EVC2: variants seen among roughly 807,000 people sequenced by gnomAD.
EVC2 encodes the protein limbin.
EVC2 carries 148 observed loss-of-function variants against 149.3 expected under a neutral mutation model. The ratio of observed to expected loss-of-function variants is 0.99; its 90% CI spans 0.87 to 1.14. The LOEUF is 1.14. EVC2 is among the 50% of genes most tolerant of loss of function. EVC2 has a pLI of 0.00. For synonymous variants in EVC2, 776 were observed against 649.9 expected (o/e 1.19, Z -2.95); for missense variants, 1,854 against 1,627.3 (o/e 1.14, Z -2.40).
chr4:5,606,506 T>A (rs1365722214), intron 16 of EVC2, among the ~76,000 whole-genome samples: 1 of 152,118 alleles, frequency 6.6e-6, no homozygotes, highest in Non-Finnish European at 1.5e-5. Context: ...CTTCAAAGGA[T>A]AAAACTGATT....
At chr4:5,543,852 C>T (rs1721563368) in intron 21 of EVC2, among the ~76,000 whole-genome samples, 1 of 152,190 alleles carries the variant, frequency 6.6e-6, no homozygotes, top group South Asian at 2.1e-4. Context: ...ATCCACCACC[C>T]CTGCATAGCA....
At chr4:5,624,626 T>C (rs1241404610) in intron 13 of EVC2, among the ~76,000 whole-genome samples, 1 of 152,194 alleles carries the variant, frequency 6.6e-6, no homozygotes, top group African/African-American at 2.4e-5. Flanking sequence ...ATGTGGAGTC[T>C]ATCCTTCTTT....
chr4:5,665,707 C>G (rs1209603805), intron 7 of EVC2, 58 bp from the exon 8 acceptor site: 1 of 1,598,666 alleles, frequency 6.3e-7, no homozygotes, highest in Non-Finnish European at 8.5e-7. Flanking sequence ...GTCTCCCAGG[C>G]CTCACAGATG....
At chr4:5,598,541 T>G (rs1471186791) in intron 16 of EVC2, among the ~76,000 whole-genome samples, 3 of 152,236 alleles carry the variant, frequency 2.0e-5, no homozygotes, top group Non-Finnish European at 4.4e-5. Context: ...ACTGGATCCC[T>G]TTCTTACACC....
At chr4:5,700,134 C>T (rs762014853) in intron 1 of EVC2, among the ~76,000 whole-genome samples, 5 of 151,588 alleles carry the variant, frequency 3.3e-5, no homozygotes, top group African/African-American at 7.3e-5. Context: ...AGCGAGACTC[C>T]GTCTCAAAAA....
intron 7 of EVC2, among the ~76,000 whole-genome samples, chr4:5,666,178 G>A (rs1374528069): frequency 2.7e-5 from 4 of 150,814 alleles, no homozygotes; most frequent in Non-Finnish European, 5.9e-5. Flanking sequence ...ATTTACCCCC[G>A]CCCCTCCTTC....
chr4:5,651,983 C>A (rs1718176043), intron 9 of EVC2, among the ~76,000 whole-genome samples: 1 of 152,198 alleles, frequency 6.6e-6, no homozygotes, highest in South Asian at 2.1e-4. Flanking sequence ...GCTAAACAGC[C>A]TTAGGCATCT....
At chr4:5,601,205 A>G (rs74543209) in intron 16 of EVC2, among the ~76,000 whole-genome samples, 292 of 152,276 alleles carry the variant, frequency 1.9e-3, no homozygotes, top group African/African-American at 6.9e-3. Flanking sequence ...CCACTCTTAA[A>G]TATCATCAGA....
At chr4:5,536,987 A>T in the EVC2 span, among the ~76,000 whole-genome samples, 1 of 152,254 alleles carries the variant, frequency 6.6e-6, no homozygotes, top group South Asian at 2.1e-4. Flanking sequence ...TAAGACTGTC[A>T]ACAAACACAT....
rs771884323 is a variant in EVC2, at chr4:5,622,617, C to A, written c.2421G>T (p.Arg807Ser). 66 of 1,613,932 alleles carry A rather than the reference C, an allele frequency of 4.1e-5. No homozygotes were observed. Among genetic ancestry groups the A allele is most frequent in the South Asian group, 1.5e-4 (14 of 91,060 alleles). The stretch of plus-strand genomic sequence containing the variant: ...CAGGAGCGTCATCCTTCAGTCTCTG[C>A]CTCACGCTCTGGACACCCTCCTGGT... ...DRDQEGVQSV[R>S]QRLKDDAPEA... Residue 807 changes from arginine (R) to serine (S), a missense_variant, in exon 14 of 22, where the codon AGG becomes AGT. Arg to Ser is a moderately radical substitution (Grantham distance 110). Transcript: ENST00000344408. This position sits in a 1 kb window ranked among gnomAD's most constrained non-coding sequence, Gnocchi z 5.8.
intron 21 of EVC2, among the ~76,000 whole-genome samples, chr4:5,555,885 C>T (rs754253670): frequency 1.4e-4 from 21 of 152,134 alleles, no homozygotes; most frequent in African/African-American, 3.9e-4. Context: ...GGCCACATAA[C>T]GACAAACTTA....
downstream of EVC2, among the ~76,000 whole-genome samples, chr4:5,539,385 A>C: frequency 6.6e-6 from 1 of 152,180 alleles, no homozygotes; most frequent in East Asian, 1.9e-4. Context: ...ATTCGACACA[A>C]TCTGAATCAA....
Position 5,669,679 on chromosome 4 carries a change from G to C in EVC2, c.871-4030C>G, listed in dbSNP as rs531405577. Among the ~76,000 whole-genome samples the C allele has an allele frequency of 2.0e-5, 3 of 152,304 alleles. No homozygotes were observed. The South Asian group carries it at 6.2e-4, about 32-fold the overall frequency. On this transcript the variant is annotated intron_variant, in intron 7 of 21. Coordinates refer to ENST00000344408, the MANE Select transcript of EVC2 (RefSeq NM_147127.5). The stretch of plus-strand genomic sequence containing the variant: ...GAAGTGGAAGTGGACAGGTGAGTCA[G>C]GCTACCTCAAATCTCTTCCTCTTTC...
chr4:5,706,367 T>C lies in EVC2; in HGVS notation c.228+1919A>G, dbSNP rs1430733310. ...ATAGATAGATAGACACATAGATAGA[T>C]ACATAGATAGATACATAGATAGATA... On this transcript the variant is annotated intron_variant, in intron 1 of 21. Coordinates refer to ENST00000344408, the MANE Select transcript of EVC2 (RefSeq NM_147127.5). 1.1e-4 allele frequency among the ~76,000 whole-genome samples: 7 copies of C among 66,618 alleles called. 1 individual carries two copies. The highest frequency in any genetic ancestry group is 1.8e-4 in the African/African-American group (4 of 22,056). The allele number at this position is 66,618 out of a possible 152,430, so 43.7% of individuals were successfully genotyped here. A position where few individuals can be genotyped will look rare whatever the true frequency, so the allele number is the denominator to read the frequency against.
At chr4:5,639,707 A>G (rs1717172248) in intron 10 of EVC2, among the ~76,000 whole-genome samples, 1 of 152,222 alleles carries the variant, frequency 6.6e-6, no homozygotes, top group East Asian at 1.9e-4. Context: ...TATATAGTCC[A>G]GAGGGGGACA....
rs767478570 is a variant in EVC2 at position 5,631,828 on chromosome 4, C to T, written c.1675G>A (p.Ala559Thr). 2 of 1,614,014 alleles carry T rather than the reference C, an allele frequency of 1.2e-6. No individual in the cohort carries two copies. Among genetic ancestry groups the T allele is most frequent in the Admixed American group, 1.7e-5 (1 of 60,004 alleles). ...IFKGELKPEA[A>T]KMLLQNYSKI... ...GAATAATTTTGCAGCAGCATTTTAG[C>T]TGCCTCTGGTTTCAATTCCCCTTTG... The change falls in exon 11 of 22, where the codon GCT (alanine) becomes ACT (threonine). Residue 559 changes from alanine (A) to threonine (T), a missense_variant. Physicochemically the swap from Ala to Thr is moderately conservative, Grantham distance 58 (BLOSUM62 0). Transcript: ENST00000344408.
At chr4:5,561,420 G>A (rs1269555058), downstream of EVC2, among the ~76,000 whole-genome samples, 11 of 152,152 alleles carry the variant, frequency 7.2e-5, no homozygotes, top group African/African-American at 2.4e-4. Context: ...GAAAACTGGC[G>A]CCATCATCTC....
chr4:5,634,552 T>G (rs983940347), intron 10 of EVC2, among the ~76,000 whole-genome samples: 2 of 152,180 alleles, frequency 1.3e-5, no homozygotes, highest in African/African-American at 2.4e-5. Context: ...AATAAAATAT[T>G]TGGGCCTTTT....
rs530124906 is a variant in EVC2 at position 5,602,109 on chromosome 4, C to G, written c.2829+13313G>C. Among the ~76,000 whole-genome samples the G allele has an allele frequency of 2.2e-4, 34 of 151,674 alleles. 1 individual carries two copies. The South Asian group carries it at 6.5e-3, about 29-fold the overall frequency. ...GGGCAATGTAGTGAGAAACCTGTCC[C>G]TATAAAAAATTTTAAAATAAAAAAT... On this transcript the variant is annotated intron_variant, in intron 16 of 21. Transcript: ENST00000344408.
Sources: gnomAD v4.1 joint callset for allele counts (sites outside exome capture counted in the v4.1 genomes callset) on GRCh38, gnomAD v4.1.1 for gene constraint, Gnocchi (gnomAD v3.1) non-coding constraint, MANE v1.5 for transcripts, NCBI Gene and HGNC (gene_info 2026-07-23, HGNC 2026-07-21) for gene names.